Variants in FAM83A observed in about 807,000 individuals in gnomAD.
The protein encoded by FAM83A is protein FAM83A.
FAM83A carries 21 observed loss-of-function variants against 24.4 expected under a neutral mutation model. The ratio of observed to expected loss-of-function variants is 0.86; its 90% CI spans 0.61 to 1.24. FAM83A has a LOEUF of 1.24. Among genes scored for constraint, FAM83A ranks in the 50% most tolerant of loss-of-function variants. FAM83A has a pLI of 0.00. For missense variants in FAM83A, 617 were observed against 579.8 expected (o/e 1.06, Z -0.66); for synonymous variants, 270 against 252.4 (o/e 1.07, Z -0.66).
chr8:123,194,282 G>C, intron 3 of FAM83A, 134 bp downstream of exon 3: 1 of 1,280,790 alleles, frequency 7.8e-7, no homozygotes, highest in South Asian at 1.5e-5. Flanking sequence ...CGGAGCTGGA[G>C]CTGCATCACA....
upstream of FAM83A, chr8:123,182,273 T>C (rs1823616012): frequency 2.6e-6 from 1 of 381,416 alleles, no homozygotes; most frequent in African/African-American, 2.1e-5. Context: ...GGTCAACAGC[T>C]CTCCCTGGCC....
chr8:123,193,925 C>CCT, intron 2 of FAM83A, 99 bp from the exon 3 acceptor site: 1 of 1,469,616 alleles, frequency 6.8e-7, no homozygotes, highest in Non-Finnish European at 9.2e-7. Context: ...GGTTTCAACA[C>CCT]AGAATGGGGG....
chr8:123,186,414 C>T (rs1823799107), intron 1 of FAM83A, among the ~76,000 whole-genome samples: 4 of 148,726 alleles, frequency 2.7e-5, no homozygotes, highest in Admixed American at 2.7e-4. Context: ...TCTCCTAAGC[C>T]TCAGCCCCCG....
exon 4 of FAM83A, chr8:123,207,763 C>G (rs1005574932): frequency 1.4e-6 from 2 of 1,410,502 alleles, no homozygotes; most frequent in African/African-American, 1.5e-5. Context: ...ACCTCAACGA[C>G]GAGTGGCGTT....
exon 1 of FAM83A, chr8:123,183,010 C>G: frequency 6.2e-7 from 1 of 1,604,720 alleles, no homozygotes; most frequent in South Asian, 1.1e-5. Flanking sequence ...AGCCTACTGG[C>G]GGGTGCTCAG....
intron 2 of FAM83A, 117 bp downstream of exon 2, chr8:123,192,087 T>C: frequency 8.0e-7 from 1 of 1,242,366 alleles, no homozygotes; most frequent in Non-Finnish European, 1.1e-6. Context: ...TAAAGGTTCA[T>C]TTCTTGCTCA....
upstream of FAM83A, chr8:123,179,857 G>A (rs954375832): frequency 3.3e-5 from 5 of 152,200 alleles, no homozygotes; most frequent in Admixed American, 3.3e-4. Flanking sequence ...AACCAAGAAA[G>A]AGAATTAGTT....
chr8:123,182,494 G>A (rs1397229486), upstream of FAM83A: 3 of 471,990 alleles, frequency 6.4e-6, no homozygotes, highest in East Asian at 1.2e-4. Flanking sequence ...GCCTGAGGGA[G>A]AGTTGCGAAA....
At chr8:123,196,163 C>A (rs1398468836) in intron 3 of FAM83A, among the ~76,000 whole-genome samples, 1 of 152,186 alleles carries the variant, frequency 6.6e-6, no homozygotes, top group Non-Finnish European at 1.5e-5. Flanking sequence ...AGGCACCCGC[C>A]ACCACGCTCG....
exon 4 of FAM83A, chr8:123,207,198 C>T (rs746290015): frequency 6.2e-7 from 1 of 1,610,656 alleles, no homozygotes; most frequent in South Asian, 1.1e-5. Context: ...AACATCCTCT[C>T]CAAGTTCACA....
At chr8:123,194,555 C>T (rs1824083204) in intron 3 of FAM83A, among the ~76,000 whole-genome samples, 1 of 150,720 alleles carries the variant, frequency 6.6e-6, no homozygotes, top group South Asian at 2.1e-4. Flanking sequence ...GCAATCACAG[C>T]TCATTGCAAC....
chr8:123,186,027 G>A (rs1375104365), intron 1 of FAM83A, among the ~76,000 whole-genome samples: 1 of 152,124 alleles, frequency 6.6e-6, no homozygotes, highest in Non-Finnish European at 1.5e-5. Flanking sequence ...CTGACCTCAT[G>A]ATCCACCCAC....
intron 3 of FAM83A, among the ~76,000 whole-genome samples, chr8:123,196,770 G>A (rs1490277980): frequency 6.6e-6 from 1 of 152,204 alleles, no homozygotes; most frequent in African/African-American, 2.4e-5. Context: ...AAGGGAGGGG[G>A]TGTTGTAAGG....
exon 4 of FAM83A, chr8:123,208,725 G>A (rs1291126574): frequency 2.0e-6 from 2 of 985,476 alleles, no homozygotes; most frequent in African/African-American, 1.7e-5. Context: ...GCCAGGCGTG[G>A]TGGCTCATGC....
upstream of FAM83A, chr8:123,181,936 C>T (rs1823607709): frequency 2.3e-6 from 1 of 429,866 alleles, no homozygotes; most frequent in Non-Finnish European, 4.8e-6. Context: ...CATCCCATTG[C>T]CAGATCACGA....
chr8:123,205,961 G>A (rs1467743575), intron 3 of FAM83A, among the ~76,000 whole-genome samples: 2 of 152,038 alleles, frequency 1.3e-5, no homozygotes, highest in Non-Finnish European at 2.9e-5. Context: ...TGGCCAACAT[G>A]GTGAACCCCT....
exon 4 of FAM83A, chr8:123,208,083 T>C: frequency 2.0e-6 from 2 of 1,022,172 alleles, no homozygotes; most frequent in Non-Finnish European, 2.3e-6. Context: ...AGATAGATGG[T>C]AGTTTGGTAC....
chr8:123,197,841 T>A (rs1824212548), intron 3 of FAM83A, among the ~76,000 whole-genome samples: 1 of 152,154 alleles, frequency 6.6e-6, no homozygotes, highest in Non-Finnish European at 1.5e-5. Context: ...CACTTTAAAG[T>A]GATCTGGGCC....
chr8:123,207,157 C>T, exon 4 of FAM83A: 1 of 1,575,502 alleles, frequency 6.3e-7, no homozygotes, highest in Non-Finnish European at 8.6e-7. Context: ...TCCCCTCCAG[C>T]TTCACCTGGC....
Sources: gnomAD v4.1 joint callset for allele counts (sites outside exome capture counted in the v4.1 genomes callset) on GRCh38, gnomAD v4.1.1 for gene constraint, MANE v1.5 for transcripts, NCBI Gene and HGNC (gene_info 2026-07-23, HGNC 2026-07-21) for gene names.